The following VPS13B variants were observed in gnomAD, a reference collection of about 807,000 sequenced individuals.
VPS13B encodes vacuolar protein sorting 13 homolog B, also known as intermembrane lipid transfer protein VPS13B.
In VPS13B, 285 loss-of-function variants were observed where a neutral mutation model predicts 426.4. The ratio of observed to expected loss-of-function variants is 0.67; its 90% CI spans 0.61 to 0.74. The LOEUF is 0.74. VPS13B is among the 30% of genes least tolerant of loss of function. The pLI is 0.00. For synonymous variants in VPS13B, 1,676 were observed against 1,676.4 expected (o/e 1.00, Z 0.01); for missense variants, 4,537 against 4,782.6 (o/e 0.95, Z 1.51).
At chr8:99,235,591 T>C (rs1816595541) in intron 17 of VPS13B, among the ~76,000 whole-genome samples, 1 of 152,198 alleles carries the variant, frequency 6.6e-6, no homozygotes, top group African/African-American at 2.4e-5. Context: ...GGCTAGTTTC[T>C]ATTTTAATTA....
intron 6 of VPS13B, among the ~76,000 whole-genome samples, chr8:99,113,087 TTCTC>T (rs1361761648): frequency 6.9e-6 from 1 of 143,928 alleles, no homozygotes; most frequent in Non-Finnish European, 1.5e-5. Flanking sequence ...CTCCTCCGCT[TTCTC>T]TCCTTTTTTC....
chr8:99,455,792 A>T (rs1048785406), intron 23 of VPS13B, among the ~76,000 whole-genome samples: 1 of 152,174 alleles, frequency 6.6e-6, no homozygotes, highest in Admixed American at 6.6e-5. Context: ...GATGTAGCAT[A>T]TATCAGTAGT....
At chr8:99,842,062 G>C (rs1018903855) in intron 54 of VPS13B, among the ~76,000 whole-genome samples, 3 of 152,094 alleles carry the variant, frequency 2.0e-5, no homozygotes, top group African/African-American at 7.2e-5. Context: ...CAAAGTCTAA[G>C]TCTATAATTC....
At chr8:99,314,600 A>C (rs1821205159) in intron 19 of VPS13B, among the ~76,000 whole-genome samples, 1 of 152,098 alleles carries the variant, frequency 6.6e-6, no homozygotes, top group African/African-American at 2.4e-5. Context: ...ACAGGTGTGC[A>C]TCACTGTGCC....
intron 34 of VPS13B, among the ~76,000 whole-genome samples, chr8:99,646,822 T>G (rs568791568): frequency 6.6e-6 from 1 of 152,220 alleles, no homozygotes; most frequent in African/African-American, 2.4e-5. Context: ...ACTACCTTGC[T>G]CCCTCTCTCC....
intron 17 of VPS13B, among the ~76,000 whole-genome samples, chr8:99,257,186 GGAATATATAT>G (rs1817790368): frequency 6.6e-6 from 1 of 152,040 alleles, no homozygotes; most frequent in Non-Finnish European, 1.5e-5. Flanking sequence ...AGTTTTGGAG[GGAATATATAT>G]TCAAACCGTA....
intron 15 of VPS13B, among the ~76,000 whole-genome samples, chr8:99,165,941 G>A (rs1183912958): frequency 6.6e-6 from 1 of 152,124 alleles, no homozygotes; most frequent in African/African-American, 2.4e-5. Flanking sequence ...TGTAATAATT[G>A]AGTACAGTTT....
chr8:99,765,333 C>T (rs570996793), intron 39 of VPS13B, among the ~76,000 whole-genome samples: 1 of 151,344 alleles, frequency 6.6e-6, no homozygotes, highest in Admixed American at 6.7e-5. Flanking sequence ...TAAAATATTA[C>T]ATTATTGCTT....
At chr8:99,830,101 C>G (rs954951776) in intron 51 of VPS13B, among the ~76,000 whole-genome samples, 4 of 152,248 alleles carry the variant, frequency 2.6e-5, no homozygotes, top group African/African-American at 9.6e-5. Context: ...AGGAGGCAGT[C>G]TGTCCCTTAG....
intron 17 of VPS13B, among the ~76,000 whole-genome samples, chr8:99,269,588 C>G (rs1818469237): frequency 6.6e-6 from 1 of 152,188 alleles, no homozygotes. Flanking sequence ...TAGTGACTAG[C>G]CTTAAGCCAC....
chr8:99,305,034 C>T lies in VPS13B; in HGVS notation c.2824+29780C>T, dbSNP rs1194520319. Reference sequence around the variant, plus strand: ...CTCTTACCATTTTCATTAGTGTAAACAATTTTTAGTGCATAGAAAGCTCCC... The same window carrying T: ...CTCTTACCATTTTCATTAGTGTAAATAATTTTTAGTGCATAGAAAGCTCCC... On this transcript the variant is annotated intron_variant, in intron 19 of 61. Transcript: ENST00000357162. 2.0e-5 allele frequency among the ~76,000 whole-genome samples: 3 copies of T among 152,084 alleles called. No individual in the cohort carries two copies. In the South Asian group the frequency reaches 6.2e-4, roughly 31 times the overall value.
At chr8:99,517,797 A>T (rs1017933115) in intron 29 of VPS13B, among the ~76,000 whole-genome samples, 29 of 152,134 alleles carry the variant, frequency 1.9e-4, no homozygotes, top group African/African-American at 6.3e-4. Context: ...ACATTTCCTC[A>T]TATGGTCCAA....
chr8:99,218,626 G>A (rs887399686), intron 17 of VPS13B, among the ~76,000 whole-genome samples: 4 of 152,218 alleles, frequency 2.6e-5, no homozygotes, highest in African/African-American at 7.2e-5. Context: ...CATTGTCAAA[G>A]TGCCATTGTC....
rs2130972634 is a variant in VPS13B, at chr8:99,870,864, A to G, written c.11472A>G (p.Pro3824=). The G allele has an allele frequency of 6.2e-7, 1 of 1,614,210 alleles. No homozygotes were observed. The highest frequency in any genetic ancestry group is 1.1e-5 in the South Asian group (1 of 91,086). Residue 3824 remains proline, a synonymous_variant, in exon 60 of 62, where the codon CCA becomes CCG. Transcript: ENST00000357162. ...QPSDLHADQA[P]NSHVKYVWKM... ...GTGATCTACATGCTGACCAGGCTCC[A>G]AACAGCCATGTCAAATATGTCTGGT...
rs1268987949 is a variant in VPS13B, at chr8:99,501,654, A to G, written c.3871-33A>G. 6 of 1,608,402 alleles carry G rather than the reference A, an allele frequency of 3.7e-6. No individual in the cohort carries two copies. The East Asian group carries it at 1.3e-4, about 36-fold the overall frequency. ...ATTTTCTGTTATTTTTGTTTATGTT[A>G]CAAAGTAAGATTTTTTTTTCTCCTC... On this transcript the variant is annotated intron_variant, in intron 25 of 61. Coordinates refer to ENST00000357162, the MANE Select transcript of VPS13B (RefSeq NM_152564.5).
chr8:99,360,238 CTCTCCTTCCTTCCT>C lies in VPS13B; in HGVS notation c.2825-23967_2825-23954del, dbSNP rs1563687372. Among the ~76,000 whole-genome samples the C allele has an allele frequency of 1.9e-4, 18 of 95,346 alleles. 1 individual carries two copies. Among genetic ancestry groups the C allele is most frequent in the African/African-American group, 6.5e-4 (15 of 23,150 alleles). The allele number at this position is 95,346 out of a possible 152,430, so 62.6% of individuals were successfully genotyped here. ...TCTTTCTTTCTTTCTTTCTTTCTCT[CTCTCCTTCCTTCCT>C]TCCTTCCTTCCTTCCTTCCTTCCTT... is the stretch of plus-strand genomic sequence containing the variant. On this transcript the variant is annotated intron_variant, in intron 19 of 61. Transcript: ENST00000357162.
intron 17 of VPS13B, among the ~76,000 whole-genome samples, chr8:99,215,677 A>G (rs1484707819): frequency 6.6e-6 from 1 of 152,134 alleles, no homozygotes; most frequent in Non-Finnish European, 1.5e-5. Flanking sequence ...CACTAATATG[A>G]GCATTGTTTG....
Position 99,641,882 on chromosome 8 carries a change from T to A in VPS13B, c.5292T>A (p.Ser1764Arg), listed in dbSNP as rs781303848. 1.9e-6 allele frequency: 3 copies of A among 1,614,098 alleles called. No individual in the cohort carries two copies. Among genetic ancestry groups the A allele is most frequent in the Non-Finnish European group, 2.5e-6 (3 of 1,180,000 alleles). Residue 1764 changes from serine (S) to arginine (R), a missense_variant, in exon 34 of 62, where the codon AGT becomes AGA. Transcript: ENST00000357162. ...TGGCTGAAACCTCATCTCGCTACAG[T>A]GGTGCTCAGGATAGTGGAATTGGCA... ...GGMAETSSRYSGAQDSGIGSD... is the reference protein window; with the variant it reads ...GGMAETSSRYRGAQDSGIGSD...
chr8:99,836,366 A>C (rs1815390995), intron 54 of VPS13B, among the ~76,000 whole-genome samples: 1 of 152,058 alleles, frequency 6.6e-6, no homozygotes. Context: ...CTATTTCTGA[A>C]ACTTCTTTAT....
Sources: gnomAD v4.1 joint callset for allele counts (sites outside exome capture counted in the v4.1 genomes callset) on GRCh38, gnomAD v4.1.1 for gene constraint, MANE v1.5 for transcripts, NCBI Gene and HGNC (gene_info 2026-07-23, HGNC 2026-07-21) for gene names.